Variants in GPC6 observed in about 807,000 individuals in gnomAD.
The protein encoded by GPC6 is glypican 6.
GPC6 carries 14 observed loss-of-function variants against 55.2 expected under a neutral mutation model. That is an observed-to-expected ratio of 0.25 (90% CI 0.17 to 0.40). The LOEUF (loss-of-function observed/expected upper bound fraction) is 0.40. GPC6 is among the 10% of genes least tolerant of loss of function. The probability of loss-of-function intolerance (pLI) is 1.00; values close to 1 mark genes in which losing one functional copy is unlikely to be tolerated. For missense variants in GPC6, 641 were observed against 708.5 expected, an observed-to-expected ratio of 0.90 and a Z score of 1.08; for synonymous variants, 278 against 259.6, an observed-to-expected ratio of 1.07 and a Z score of -0.68.
chr13:93,708,891 G>T (rs991281319), intron 2 of GPC6, among the ~76,000 whole-genome samples: 2 of 151,690 alleles, frequency 1.3e-5, no homozygotes, highest in Admixed American at 1.3e-4. Flanking sequence ...ATTTGTGCTT[G>T]CTAGGTTTCA....
intron 3 of GPC6, among the ~76,000 whole-genome samples, chr13:93,948,915 C>T (rs533847915): frequency 1.8e-4 from 27 of 152,196 alleles, no homozygotes; most frequent in Admixed American, 1.7e-3. Flanking sequence ...CATTAATCCC[C>T]CTTCATTGCA....
chr13:93,695,786 G>C (rs1186933545), intron 2 of GPC6, among the ~76,000 whole-genome samples: 1 of 152,024 alleles, frequency 6.6e-6, no homozygotes, highest in African/African-American at 2.4e-5. Flanking sequence ...GCATTTTGGA[G>C]GTGACTGTGA....
intron 4 of GPC6, among the ~76,000 whole-genome samples, chr13:94,147,171 A>G (rs1198039626): frequency 6.6e-6 from 1 of 152,182 alleles, no homozygotes; most frequent in African/African-American, 2.4e-5. Context: ...TTTGCAGGTC[A>G]AAAAATAATT....
In GPC6 at chr13:93,590,867, G is replaced by A. The variant is rs559798743; in HGVS notation, c.319+45446G>A. Among the ~76,000 whole-genome samples the A allele has an allele frequency of 7.2e-5, 11 of 152,012 alleles. No individual in the cohort carries two copies. In the East Asian group the frequency reaches 1.3e-3, roughly 19 times the overall value. ...ATGAAACGCTGATGCTTACATGACCGACAGTTACTGTTTTTTAAAAAGGAC... is the reference window on the plus strand; with the variant it reads ...ATGAAACGCTGATGCTTACATGACCAACAGTTACTGTTTTTTAAAAAGGAC... On this transcript the variant is annotated intron_variant, in intron 2 of 8. Coordinates refer to ENST00000377047, the MANE Select transcript of GPC6 (RefSeq NM_005708.5).
chr13:93,768,095 A>G (rs1310834810), intron 2 of GPC6, among the ~76,000 whole-genome samples: 1 of 152,168 alleles, frequency 6.6e-6, no homozygotes, highest in Non-Finnish European at 1.5e-5. Flanking sequence ...TATTATTGTA[A>G]TTTAACTCAT....
chr13:93,954,673 A>G (rs1265034373), intron 3 of GPC6, among the ~76,000 whole-genome samples: 1 of 152,188 alleles, frequency 6.6e-6, no homozygotes, highest in Non-Finnish European at 1.5e-5. Context: ...CCTGTGGAAC[A>G]CTTGCATGCC....
intron 2 of GPC6, among the ~76,000 whole-genome samples, chr13:93,747,809 A>G (rs984424098): frequency 2.0e-5 from 3 of 152,146 alleles, no homozygotes; most frequent in Admixed American, 6.5e-5. Flanking sequence ...CATTGTTTCA[A>G]CCTACAATGG....
intron 4 of GPC6, among the ~76,000 whole-genome samples, chr13:94,196,387 C>T (rs532042298): frequency 6.6e-4 from 100 of 152,184 alleles, no homozygotes; most frequent in Admixed American, 3.5e-3. Context: ...TATATTGTAG[C>T]TGAACTTCAT....
chr13:93,390,173 GT>G (rs56206406), intron 1 of GPC6, among the ~76,000 whole-genome samples: 139,664 of 150,474 alleles, frequency 0.93, 64,909 homozygotes, highest in East Asian at 0.99. Flanking sequence ...TGAAAATTCT[GT>G]TTTTTTTTTT....
At chr13:93,494,425 G>A (rs1299692999) in intron 1 of GPC6, among the ~76,000 whole-genome samples, 16 of 151,372 alleles carry the variant, frequency 1.1e-4, no homozygotes, top group Non-Finnish European at 2.2e-4. Flanking sequence ...GTCTCTGCAC[G>A]TGAGATGGGT....
At chr13:93,764,127 T>G (rs1231734344) in intron 2 of GPC6, among the ~76,000 whole-genome samples, 1 of 152,132 alleles carries the variant, frequency 6.6e-6, no homozygotes, top group Non-Finnish European at 1.5e-5. Flanking sequence ...AGATACCTAG[T>G]CCTAAGCTTC....
intron 3 of GPC6, among the ~76,000 whole-genome samples, chr13:94,000,229 A>G (rs1468196719): frequency 6.6e-6 from 1 of 152,136 alleles, no homozygotes; most frequent in African/African-American, 2.4e-5. Context: ...CAGTCTCTGT[A>G]CTCACTACTC....
chr13:93,902,015 G>A (rs1435038248), intron 3 of GPC6, among the ~76,000 whole-genome samples: 1 of 151,636 alleles, frequency 6.6e-6, no homozygotes, highest in East Asian at 1.9e-4. Flanking sequence ...ATCAAATCAG[G>A]GCAATTTAGC....
chr13:93,343,487 A>G (rs1243126506), intron 1 of GPC6, among the ~76,000 whole-genome samples: 2 of 152,218 alleles, frequency 1.3e-5, no homozygotes, highest in African/African-American at 2.4e-5. Context: ...ATGAGTAGCC[A>G]TTATTCTAGA....
At chr13:93,880,665 GTAAC>G (rs1225053658) in intron 3 of GPC6, among the ~76,000 whole-genome samples, 3 of 151,982 alleles carry the variant, frequency 2.0e-5, no homozygotes, top group African/African-American at 2.4e-5. Flanking sequence ...GTATACATAT[GTAAC>G]TAACCTGCAC....
intron 2 of GPC6, among the ~76,000 whole-genome samples, chr13:93,812,585 C>T (rs751669715): frequency 2.5e-4 from 38 of 152,200 alleles, no homozygotes; most frequent in Admixed American, 8.5e-4. Context: ...GCAATTTTTT[C>T]ACTTCTCTTA....
intron 4 of GPC6, among the ~76,000 whole-genome samples, chr13:94,091,184 G>T (rs921384920): frequency 1.3e-5 from 2 of 152,034 alleles, no homozygotes; most frequent in African/African-American, 4.8e-5. Context: ...AGTTGACTGA[G>T]AAAGTAATAA....
At chr13:94,117,158 A>G (rs1344307548) in intron 4 of GPC6, among the ~76,000 whole-genome samples, 4 of 152,146 alleles carry the variant, frequency 2.6e-5, no homozygotes, top group Non-Finnish European at 5.9e-5. Flanking sequence ...CTGCCTAATA[A>G]TAAGACTGCT....
At chr13:94,208,770 A>AC (rs1566545158) in intron 4 of GPC6, among the ~76,000 whole-genome samples, 1 of 150,140 alleles carries the variant, frequency 6.7e-6, no homozygotes, top group African/African-American at 2.4e-5. Flanking sequence ...AAAAAAAAAA[A>AC]AAAAAAAAAC....
Sources: allele counts gnomAD v4.1 joint callset (sites outside exome capture counted in the v4.1 genomes callset), GRCh38; gene constraint gnomAD v4.1.1; transcripts MANE v1.5; gene names NCBI Gene and HGNC (gene_info 2026-07-23, HGNC 2026-07-21).